Variants in CTNND2 observed in about 807,000 individuals in gnomAD.
CTNND2 encodes catenin delta-2.
CTNND2 carries 22 observed loss-of-function variants against 144.4 expected under a neutral mutation model. The observed-to-expected ratio is 0.15, with a 90% CI of 0.11 to 0.22. The LOEUF is 0.22. CTNND2 is among the 10% of genes least tolerant of loss of function. CTNND2 has a pLI of 1.00. For synonymous variants in CTNND2, 751 were observed against 695.6 expected (o/e 1.08, Z -1.25); for missense variants, 1,353 against 1,618.8 (o/e 0.84, Z 2.82).
intron 9 of CTNND2, among the ~76,000 whole-genome samples, chr5:11,311,790 CACACA>C (rs1750908935): frequency 2.0e-5 from 3 of 147,996 alleles, no homozygotes; most frequent in African/African-American, 2.5e-5. Flanking sequence ...CACACACACA[CACACA>C]CACACACTCC....
At chr5:11,730,014 C>T (rs930531129) in intron 2 of CTNND2, among the ~76,000 whole-genome samples, 5 of 151,988 alleles carry the variant, frequency 3.3e-5, no homozygotes, top group African/African-American at 7.2e-5. Flanking sequence ...GTTTTGTATT[C>T]GTTTATTTCT....
chr5:11,661,376 T>A (rs1158769345), intron 2 of CTNND2, among the ~76,000 whole-genome samples: 2 of 152,126 alleles, frequency 1.3e-5, no homozygotes, highest in Admixed American at 6.6e-5. Flanking sequence ...TACTAGAAGG[T>A]CCCATAAGCT....
intron 8 of CTNND2, among the ~76,000 whole-genome samples, chr5:11,359,536 T>C (rs1269401690): frequency 6.6e-6 from 1 of 152,190 alleles, no homozygotes; most frequent in Non-Finnish European, 1.5e-5. Context: ...AAAGTGACCC[T>C]TTCACCTTTT....
At chr5:11,524,433 T>C (rs144647379) in intron 3 of CTNND2, among the ~76,000 whole-genome samples, 193 of 152,330 alleles carry the variant, frequency 1.3e-3, no homozygotes, top group African/African-American at 4.5e-3. Flanking sequence ...AGTGGATTTT[T>C]ATTGTTCTTT....
chr5:11,888,563 G>A (rs889847787), intron 1 of CTNND2, among the ~76,000 whole-genome samples: 2 of 152,096 alleles, frequency 1.3e-5, no homozygotes, highest in African/African-American at 4.8e-5. Context: ...GGGAAGAAAG[G>A]AATACATGTT....
At chr5:11,065,533 C>G (rs979907102) in intron 16 of CTNND2, among the ~76,000 whole-genome samples, 2 of 152,210 alleles carry the variant, frequency 1.3e-5, no homozygotes, top group African/African-American at 2.4e-5. Flanking sequence ...AAAATACTCC[C>G]TTTTCTTCAA....
At chr5:11,296,488 T>C (rs537538968) in intron 9 of CTNND2, among the ~76,000 whole-genome samples, 16 of 152,314 alleles carry the variant, frequency 1.1e-4, no homozygotes, top group Non-Finnish European at 2.1e-4. Flanking sequence ...ACTGGGTATA[T>C]ACCCAAAAGA....
intron 3 of CTNND2, among the ~76,000 whole-genome samples, chr5:11,421,467 T>C (rs1360363034): frequency 6.6e-6 from 1 of 152,164 alleles, no homozygotes; most frequent in Non-Finnish European, 1.5e-5. Context: ...ACACCCCACT[T>C]TGAGGGGGAC....
intron 18 of CTNND2, among the ~76,000 whole-genome samples, chr5:10,994,686 G>A (rs1361500617): frequency 2.0e-5 from 3 of 152,078 alleles, no homozygotes; most frequent in South Asian, 4.1e-4. Flanking sequence ...GAACGGCTTC[G>A]CTGGTGTGAG....
chr5:11,785,512 C>T (rs1011163966), intron 1 of CTNND2, among the ~76,000 whole-genome samples: 10 of 152,004 alleles, frequency 6.6e-5, no homozygotes, highest in African/African-American at 2.4e-4. Flanking sequence ...AATGTATGTT[C>T]TATCAAAATA....
At chr5:11,297,819 G>A (rs1254815495) in intron 9 of CTNND2, among the ~76,000 whole-genome samples, 1 of 152,060 alleles carries the variant, frequency 6.6e-6, no homozygotes, top group Non-Finnish European at 1.5e-5. Context: ...ATCCTAGGAT[G>A]CAAAAATCTA....
At chr5:11,159,891 G>T in intron 11 of CTNND2, 132 bp from the exon 12 acceptor site, 1 of 635,564 alleles carries the variant, frequency 1.6e-6, no homozygotes, top group Non-Finnish European at 2.6e-6. Context: ...CCTAGAGTGT[G>T]TCCTTAATTT....
At chr5:11,041,414 C>A (rs187559661) in intron 16 of CTNND2, among the ~76,000 whole-genome samples, 1 of 152,284 alleles carries the variant, frequency 6.6e-6, no homozygotes, top group African/African-American at 2.4e-5. Context: ...GGAAAGGTCA[C>A]AGAGCTGTCT....
intron 5 of CTNND2, among the ~76,000 whole-genome samples, chr5:11,402,005 A>G (rs993338020): frequency 6.6e-6 from 1 of 152,178 alleles, no homozygotes; most frequent in Non-Finnish European, 1.5e-5. Context: ...TTTGGTCTTG[A>G]AAACCTTATT....
intron 16 of CTNND2, among the ~76,000 whole-genome samples, chr5:11,081,731 A>C (rs1166000823): frequency 6.6e-6 from 1 of 152,220 alleles, no homozygotes; most frequent in East Asian, 1.9e-4. Context: ...AAAGTCAGAC[A>C]CAAAGGTCAT....
intron 9 of CTNND2, among the ~76,000 whole-genome samples, chr5:11,259,223 C>A (rs573214868): frequency 6.6e-6 from 1 of 152,322 alleles, no homozygotes; most frequent in Admixed American, 6.5e-5. Context: ...CTAACTCCCA[C>A]AAATGCATGA....
At chr5:11,698,928 C>A (rs188405150) in intron 2 of CTNND2, among the ~76,000 whole-genome samples, 233 of 150,484 alleles carry the variant, frequency 1.5e-3, no homozygotes, top group Admixed American at 2.9e-3. Context: ...TAATTAATAT[C>A]AATAAGCATA....
At chr5:11,113,159 A>AG (rs1753178444) in intron 13 of CTNND2, among the ~76,000 whole-genome samples, 1 of 152,062 alleles carries the variant, frequency 6.6e-6, no homozygotes, top group Non-Finnish European at 1.5e-5. Flanking sequence ...AAACAAAAAA[A>AG]CAAGCAAAAA....
intron 3 of CTNND2, among the ~76,000 whole-genome samples, chr5:11,562,879 A>C (rs2150103986): frequency 6.6e-6 from 1 of 152,366 alleles, no homozygotes; most frequent in African/African-American, 2.4e-5. Flanking sequence ...CATACATGAA[A>C]CGTACATTAG....
Sources: allele counts gnomAD v4.1 joint callset (sites outside exome capture counted in the v4.1 genomes callset), GRCh38; gene constraint gnomAD v4.1.1; transcripts MANE v1.5; gene names NCBI Gene and HGNC (gene_info 2026-07-23, HGNC 2026-07-21).